MRPS9: variants seen among roughly 807,000 people sequenced by gnomAD.
MRPS9 encodes small ribosomal subunit protein uS9m.
In MRPS9, 45 loss-of-function variants were observed where a neutral mutation model predicts 59.9. The ratio of observed to expected loss-of-function variants is 0.75; its 90% confidence interval spans 0.59 to 0.96. The LOEUF (loss-of-function observed/expected upper bound fraction) is 0.96. Ranked by LOEUF, MRPS9 falls within the 40% of genes least tolerant of loss-of-function variation. The pLI is 0.00. For synonymous variants in MRPS9, 171 were observed against 166.8 expected (o/e 1.03, Z -0.19); for missense variants, 473 against 481.1 (o/e 0.98, Z 0.16).
intron 5 of MRPS9, among the ~76,000 whole-genome samples, chr2:105,083,639 T>C (rs1680390532): frequency 6.6e-6 from 1 of 152,216 alleles, no homozygotes; most frequent in African/African-American, 2.4e-5. Flanking sequence ...GGCATGTCTG[T>C]AACACAGCTC....
intron 2 of MRPS9, among the ~76,000 whole-genome samples, chr2:105,069,367 ACCATGC>A (rs1680068019): frequency 1.3e-5 from 2 of 152,024 alleles, no homozygotes; most frequent in Admixed American, 1.3e-4. Context: ...GGCGCCCGCC[ACCATGC>A]CCAGCTAATT....
chr2:105,098,071 G>A (rs538287527), intron 10 of MRPS9: 1 of 152,290 alleles, frequency 6.6e-6, no homozygotes, highest in Non-Finnish European at 1.5e-5. Context: ...TAAGTTATTG[G>A]AGGTTTCCAT....
intron 2 of MRPS9, among the ~76,000 whole-genome samples, chr2:105,051,823 T>C (rs909578943): frequency 3.3e-5 from 5 of 152,172 alleles, no homozygotes; most frequent in African/African-American, 1.2e-4. Context: ...TTTTATTTTA[T>C]AATATTTTTG....
intron 2 of MRPS9, among the ~76,000 whole-genome samples, chr2:105,064,160 C>G (rs1679954541): frequency 6.6e-6 from 1 of 152,068 alleles, no homozygotes; most frequent in African/African-American, 2.4e-5. Context: ...GGAAGCAGCA[C>G]TTAAGGGATG....
At chr2:105,098,984 A>G (rs562106714) in intron 10 of MRPS9, among the ~76,000 whole-genome samples, 8 of 152,318 alleles carry the variant, frequency 5.3e-5, no homozygotes, top group African/African-American at 1.7e-4. Flanking sequence ...GCCTAGAAAC[A>G]TAATCACTCC....
intron 2 of MRPS9, among the ~76,000 whole-genome samples, chr2:105,054,283 C>G (rs1452793020): frequency 6.6e-6 from 1 of 152,178 alleles, no homozygotes; most frequent in African/African-American, 2.4e-5. Flanking sequence ...GAATCATTCT[C>G]CAGTTCTCTG....
chr2:105,038,409 A>T (rs1198568116), intron 1 of MRPS9, 182 bp downstream of exon 1: 4 of 731,766 alleles, frequency 5.5e-6, no homozygotes, highest in Admixed American at 3.0e-5. Context: ...GCCGCTCTAG[A>T]GGTTGTTACT....
At chr2:105,051,052 T>G (rs1227887685) in intron 2 of MRPS9, among the ~76,000 whole-genome samples, 2 of 152,238 alleles carry the variant, frequency 1.3e-5, no homozygotes, top group East Asian at 3.8e-4. Flanking sequence ...AGAATGTGCA[T>G]GCTATAAAGT....
chr2:105,075,373 G>A (rs1680189610), intron 4 of MRPS9, among the ~76,000 whole-genome samples: 1 of 151,980 alleles, frequency 6.6e-6, no homozygotes, highest in Non-Finnish European at 1.5e-5. Flanking sequence ...GTACCTGTCT[G>A]TGGCCCAGGG....
chr2:105,079,806 C>T (rs1680291712), intron 4 of MRPS9, among the ~76,000 whole-genome samples, 177 bp from the exon 5 acceptor site: 1 of 151,830 alleles, frequency 6.6e-6, no homozygotes, highest in Non-Finnish European at 1.5e-5. Context: ...TATTTAATAT[C>T]CTAAATATTT....
chr2:105,096,026 G>A (rs1311014144), intron 9 of MRPS9, among the ~76,000 whole-genome samples: 4 of 151,986 alleles, frequency 2.6e-5, no homozygotes, highest in Non-Finnish European at 4.4e-5. Flanking sequence ...TATAACTTAT[G>A]GCTACTTTTC....
intron 4 of MRPS9, among the ~76,000 whole-genome samples, chr2:105,074,073 TGTTGA>T (rs1680165138): frequency 6.6e-6 from 1 of 152,178 alleles, no homozygotes; most frequent in Non-Finnish European, 1.5e-5. Flanking sequence ...ACCATATGAC[TGTTGA>T]GTTAAAGAGA....
chr2:105,056,920 A>G (rs1247763961), intron 2 of MRPS9, among the ~76,000 whole-genome samples: 1 of 152,168 alleles, frequency 6.6e-6, no homozygotes, highest in Non-Finnish European at 1.5e-5. Flanking sequence ...TAGAAGATTT[A>G]TCATTATTAA....
intron 2 of MRPS9, among the ~76,000 whole-genome samples, chr2:105,052,385 T>G (rs1370767688): frequency 1.3e-5 from 2 of 152,212 alleles, no homozygotes; most frequent in Non-Finnish European, 2.9e-5. Flanking sequence ...TCCATTTTGA[T>G]GATGATTTGG....
chr2:105,081,734 TTAA>T (rs1164793208), intron 5 of MRPS9, among the ~76,000 whole-genome samples: 1 of 152,256 alleles, frequency 6.6e-6, no homozygotes, highest in African/African-American at 2.4e-5. Flanking sequence ...TGATATCTGA[TTAA>T]TAAACATTCT....
chr2:105,040,809 AT>A (rs1679488139), intron 1 of MRPS9, among the ~76,000 whole-genome samples: 1 of 152,210 alleles, frequency 6.6e-6, no homozygotes, highest in Non-Finnish European at 1.5e-5. Flanking sequence ...CACAGAAGTA[AT>A]ATGCCTGAGT....
At chr2:105,044,155 C>T (rs1679551564) in intron 1 of MRPS9, among the ~76,000 whole-genome samples, 1 of 151,762 alleles carries the variant, frequency 6.6e-6, no homozygotes, top group Non-Finnish European at 1.5e-5. Context: ...AGGCTAGTGT[C>T]GAACTCCTGA....
At chr2:105,093,478 C>A in intron 8 of MRPS9, 52 bp from the exon 9 acceptor site, 1 of 1,083,682 alleles carries the variant, frequency 9.2e-7, no homozygotes, top group Non-Finnish European at 1.4e-6. Context: ...TTACCTGTCT[C>A]AAAGCGCAGG....
chr2:105,066,717 A>G (rs930796199), intron 2 of MRPS9, among the ~76,000 whole-genome samples: 1 of 152,052 alleles, frequency 6.6e-6, no homozygotes, highest in Non-Finnish European at 1.5e-5. Flanking sequence ...CACGCCATCT[A>G]GTATTCTGAT....
Sources: allele counts gnomAD v4.1 joint callset (sites outside exome capture counted in the v4.1 genomes callset), GRCh38; gene constraint gnomAD v4.1.1; transcripts MANE v1.5; gene names NCBI Gene and HGNC (gene_info 2026-07-23, HGNC 2026-07-21).